The following AKR1D1 variants were observed in gnomAD, a reference collection of about 807,000 sequenced individuals.
The protein encoded by AKR1D1 is aldo-keto reductase family 1 member D1, also known as delta(4)-3-ketosteroid 5-beta-reductase.
A neutral mutation model predicts 42.6 loss-of-function variants in AKR1D1; 32 were observed. The ratio of observed to expected loss-of-function variants is 0.75; its 90% CI spans 0.57 to 1.01. AKR1D1 has a LOEUF of 1.01. Ranked by LOEUF, AKR1D1 falls within the 50% of genes least tolerant of loss-of-function variation. The pLI, the probability that AKR1D1 is intolerant of heterozygous loss-of-function variation, is 0.00. For missense variants in AKR1D1, 364 were observed against 402.2 expected, an observed-to-expected ratio of 0.91 and a Z score of 0.81; for synonymous variants, 123 against 135.5, an observed-to-expected ratio of 0.91 and a Z score of 0.64.
At chr7:138,107,682 A>G in intron 7 of AKR1D1, 102 bp downstream of exon 7, 1 of 1,247,528 alleles carries the variant, frequency 8.0e-7, no homozygotes, top group Non-Finnish European at 1.2e-6. Context: ...ACACTCTCAT[A>G]TTTTATTTTA....
rs75986506 is a variant in AKR1D1 at position 138,091,001 on chromosome 7, A to G, written c.262-767A>G. Among the ~76,000 whole-genome samples the G allele has an allele frequency of 1.0e-3, 153 of 152,352 alleles. 6 individuals carry two copies. Among genetic ancestry groups the G allele is most frequent in the East Asian group, 9.8e-3 (51 of 5,184 alleles). On this transcript the variant is annotated intron_variant, in intron 2 of 8. Coordinates refer to ENST00000242375, the MANE Select transcript of AKR1D1 (RefSeq NM_005989.4). ...AAGGACCCAGTGAAGCCACACGCAT[A>G]ACCATATTCCTTGCTCATTTTATCA...
chr7:138,078,016 C>T (rs1014778641), intron 1 of AKR1D1, among the ~76,000 whole-genome samples: 1 of 152,148 alleles, frequency 6.6e-6, no homozygotes, highest in Admixed American at 6.5e-5. Context: ...GGCTGGAGTG[C>T]AATGATGCAA....
At chr7:138,105,828 T>C (rs1405140955) in intron 5 of AKR1D1, among the ~76,000 whole-genome samples, 6 of 152,010 alleles carry the variant, frequency 3.9e-5, no homozygotes, top group Non-Finnish European at 7.4e-5. Context: ...GAGGTTGCAG[T>C]GAGCCGAGAT....
At position 138,105,394 on chromosome 7, in the gene AKR1D1, A is replaced by G; in HGVS notation, c.544A>G (p.Lys182Glu). The G allele has an allele frequency of 6.2e-7, 1 of 1,614,092 alleles. No homozygotes were observed. Among genetic ancestry groups the G allele is most frequent in the Non-Finnish European group, 8.5e-7 (1 of 1,179,994 alleles). The change falls in exon 5 of 9, where the codon AAG becomes GAG. Residue 182 changes from lysine (K) to glutamate (E), a missense_variant. By Grantham distance (56) the Lys-to-Glu change is moderately conservative. Transcript: ENST00000242375. The stretch of plus-strand genomic sequence containing the variant: ...CAGGCAGCTGGAGCTCATCCTGAAC[A>G]AGCCAGGACTCAAACACAAGCCAGT... ...NRRQLELILN[K>E]PGLKHKPVSN...
At position 138,107,615 on chromosome 7, in the gene AKR1D1, G is replaced by T. The variant is rs377181210; in HGVS notation, c.855+35G>T. On this transcript the variant is annotated intron_variant, in intron 7 of 8. Transcript: ENST00000242375. ...TTGCTTTTGGAGATGTGAAAAGATG[G>T]GTATGTTTGCTATTTTTGCTTTTAT... is the stretch of plus-strand genomic sequence containing the variant. 1.7e-5 allele frequency: 28 copies of T among 1,608,708 alleles called. No homozygotes were observed. The African/African-American group carries it at 2.5e-4, about 15-fold the overall frequency.
chr7:138,084,503 G>A (rs2117419360), intron 1 of AKR1D1, among the ~76,000 whole-genome samples: 1 of 152,102 alleles, frequency 6.6e-6, no homozygotes, highest in Middle Eastern at 3.4e-3. Context: ...ACAGGTGTGT[G>A]CCACTGCGCC....
At chr7:138,094,045 T>G (rs909925647) in intron 3 of AKR1D1, among the ~76,000 whole-genome samples, 1 of 152,222 alleles carries the variant, frequency 6.6e-6, no homozygotes, top group Non-Finnish European at 1.5e-5. Flanking sequence ...TTTTTGGACT[T>G]GATAGATAAT....
chr7:138,078,572 C>T (rs1029654714), intron 1 of AKR1D1, among the ~76,000 whole-genome samples: 3 of 152,184 alleles, frequency 2.0e-5, no homozygotes, highest in Non-Finnish European at 4.4e-5. Flanking sequence ...TCTTTATGAT[C>T]TCATTCATAA....
At position 138,098,151 on chromosome 7, in the gene AKR1D1, C is replaced by T. The variant is rs951824111; in HGVS notation, c.456+208C>T. 1.7e-5 allele frequency: 9 copies of T among 516,988 alleles called. No homozygotes were observed. In the East Asian group the frequency reaches 2.8e-4, roughly 16 times the overall value. 32.0% of individuals were successfully genotyped at this position (516,988 alleles called of 1,614,324 possible). A position where few individuals can be genotyped will look rare whatever the true frequency, so the allele number is the denominator to read the frequency against. ...TCTTACTTTTGTTTTGCTGGAATGC[C>T]AAAGAAAAGAGAGAGGGGTGGAAGG... On this transcript the variant is annotated intron_variant, in intron 4 of 8. Coordinates refer to ENST00000242375, the MANE Select transcript of AKR1D1 (RefSeq NM_005989.4).
intron 5 of AKR1D1, 54 bp downstream of exon 5, chr7:138,105,483 G>C (rs1794405459): frequency 1.2e-6 from 2 of 1,611,090 alleles, no homozygotes; most frequent in East Asian, 2.2e-5. Flanking sequence ...GGATTTACAT[G>C]ACACAAAGAA....
Position 138,103,339 on chromosome 7 carries a change from T to A in AKR1D1, c.457-1968T>A, listed in dbSNP as rs191394502. Reference sequence around the variant, plus strand: ...AAAGGAAAATGAACCCATAATACGCTACAATTAAAGTTTATATATATACTA... The same window carrying A: ...AAAGGAAAATGAACCCATAATACGCAACAATTAAAGTTTATATATATACTA... On this transcript the variant is annotated intron_variant, in intron 4 of 8. Transcript: ENST00000242375. Among the ~76,000 whole-genome samples, 272 of 152,310 alleles carry A rather than the reference T, an allele frequency of 1.8e-3. 3 individuals carry two copies. Among genetic ancestry groups the A allele is most frequent in the Admixed American group, 0.017 (257 of 15,302 alleles).
At chr7:138,092,336 C>T (rs767860812) in intron 3 of AKR1D1, among the ~76,000 whole-genome samples, 7 of 152,160 alleles carry the variant, frequency 4.6e-5, no homozygotes, top group African/African-American at 9.7e-5. Context: ...TCACAATCTC[C>T]GCCCTCATCC....
intron 1 of AKR1D1, among the ~76,000 whole-genome samples, chr7:138,079,164 T>C (rs921408962): frequency 6.6e-6 from 1 of 152,016 alleles, no homozygotes; most frequent in African/African-American, 2.4e-5. Flanking sequence ...CCAATGCCCA[T>C]AGAATTCCCC....
intron 8 of AKR1D1, 100 bp from the exon 9 acceptor site, chr7:138,116,520 G>T (rs1230049339): frequency 7.9e-7 from 1 of 1,265,424 alleles, no homozygotes; most frequent in African/African-American, 1.5e-5. Context: ...GAATAGGAGA[G>T]AGGGGTAGTG....
rs1491002485 is a variant in AKR1D1, at chr7:138,106,626, T to C, written c.598T>C (p.Phe200Leu). 1.9e-6 allele frequency: 3 copies of C among 1,614,156 alleles called. No individual in the cohort carries two copies. The highest frequency in any genetic ancestry group is 3.3e-5 in the Admixed American group (2 of 60,020). Residue 200 changes from phenylalanine to leucine, a missense_variant, in exon 6 of 9, where the codon TTC becomes CTC. Coordinates refer to ENST00000242375, the MANE Select transcript of AKR1D1 (RefSeq NM_005989.4). ...VSNQVECHPYFTQPKLLKFCQ... is the reference protein window; with the variant it reads ...VSNQVECHPYLTQPKLLKFCQ... Reference sequence around the variant, plus strand: ...CACATAGGTTGAGTGCCATCCGTATTTCACCCAGCCAAAACTCTTGAAATT... The same window carrying C: ...CACATAGGTTGAGTGCCATCCGTATCTCACCCAGCCAAAACTCTTGAAATT...
At chr7:138,088,416 A>G (rs1793981174) in intron 1 of AKR1D1, among the ~76,000 whole-genome samples, 185 bp from the exon 2 acceptor site, 1 of 152,172 alleles carries the variant, frequency 6.6e-6, no homozygotes, top group African/African-American at 2.4e-5. Flanking sequence ...CCACTGAGGG[A>G]GCGGAGGCCC....
intron 4 of AKR1D1, 129 bp downstream of exon 4, chr7:138,098,072 T>C: frequency 1.3e-6 from 1 of 778,636 alleles, no homozygotes; most frequent in Non-Finnish European, 2.3e-6. Flanking sequence ...AGAACAGGCA[T>C]TCCTAACCAT....
chr7:138,114,773 A>C (rs1449769631), intron 8 of AKR1D1, among the ~76,000 whole-genome samples: 2 of 151,740 alleles, frequency 1.3e-5, no homozygotes, highest in Admixed American at 1.3e-4. Context: ...CTTCTTAATC[A>C]TTCTCTATTA....
chr7:138,108,311 T>A (rs750012178), intron 7 of AKR1D1, among the ~76,000 whole-genome samples: 6 of 152,168 alleles, frequency 3.9e-5, no homozygotes, highest in Non-Finnish European at 7.4e-5. Flanking sequence ...AAAAGTGCCA[T>A]ACAAAATTAA....
Sources: allele counts gnomAD v4.1 joint callset (sites outside exome capture counted in the v4.1 genomes callset), GRCh38; gene constraint gnomAD v4.1.1; transcripts MANE v1.5; gene names NCBI Gene and HGNC (gene_info 2026-07-23, HGNC 2026-07-21).